Variants in MGAT4C observed in about 807,000 individuals in gnomAD.
MGAT4C encodes MGAT4 family member C, also known as alpha-1,3-mannosyl-glycoprotein 4-beta-N-acetylglucosaminyltransferase C.
In MGAT4C, 19 loss-of-function variants were observed where a neutral mutation model predicts 40.1. The ratio of observed to expected loss-of-function variants is 0.47; its 90% CI spans 0.33 to 0.70. The LOEUF (loss-of-function observed/expected upper bound fraction) is 0.70, where lower values mean the gene tolerates loss of function less well. MGAT4C is among the 30% of genes least tolerant of loss of function. MGAT4C has a pLI of 0.02. For missense variants in MGAT4C, 491 were observed against 563.2 expected (o/e 0.87, Z 1.30); for synonymous variants, 181 against 187.1 (o/e 0.97, Z 0.27).
chr12:86,835,868 C>A (rs1224662721), intron 1 of MGAT4C, among the ~76,000 whole-genome samples: 3 of 151,840 alleles, frequency 2.0e-5, no homozygotes, highest in Non-Finnish European at 4.4e-5. Context: ...CACACACACA[C>A]AAACACACAC....
intron 1 of MGAT4C, among the ~76,000 whole-genome samples, chr12:86,190,493 T>C (rs1461124696): frequency 6.6e-6 from 1 of 152,122 alleles, no homozygotes; most frequent in East Asian, 1.9e-4. Context: ...CATCATTCCT[T>C]TAACCATCTC....
At chr12:86,390,278 T>A (rs775550313) in intron 3 of MGAT4C, among the ~76,000 whole-genome samples, 60 of 152,116 alleles carry the variant, frequency 3.9e-4, no homozygotes, top group Non-Finnish European at 4.7e-4. Flanking sequence ...CACATATGAG[T>A]TTCTGGAGTA....
At chr12:86,190,630 T>C (rs1314699921) in intron 1 of MGAT4C, among the ~76,000 whole-genome samples, 1 of 152,080 alleles carries the variant, frequency 6.6e-6, no homozygotes, top group Non-Finnish European at 1.5e-5. Flanking sequence ...TATTTGAATA[T>C]ATGGTCATTT....
intron 3 of MGAT4C, among the ~76,000 whole-genome samples, chr12:86,367,584 G>A (rs1032351305): frequency 3.9e-5 from 6 of 152,276 alleles, no homozygotes; most frequent in African/African-American, 1.4e-4. Flanking sequence ...TGGATCACAA[G>A]GTCAGGAGAT....
intron 1 of MGAT4C, among the ~76,000 whole-genome samples, chr12:86,120,075 A>G (rs1301577767): frequency 1.3e-5 from 2 of 151,810 alleles, no homozygotes; most frequent in Non-Finnish European, 2.9e-5. Context: ...TACAAGCTCA[A>G]CTTTCCTGGG....
At chr12:86,784,705 A>T (rs1025034777) in intron 1 of MGAT4C, among the ~76,000 whole-genome samples, 1 of 151,992 alleles carries the variant, frequency 6.6e-6, no homozygotes, top group Non-Finnish European at 1.5e-5. Context: ...TGGAACAAAG[A>T]GTAGCCCTGA....
At chr12:86,482,513 A>C (rs1957954242) in intron 2 of MGAT4C, among the ~76,000 whole-genome samples, 2 of 152,090 alleles carry the variant, frequency 1.3e-5, no homozygotes, top group South Asian at 2.1e-4. Context: ...TGAAGTTTAC[A>C]TGAGTATGAT....
At chr12:86,713,529 T>C (rs1477783113) in intron 2 of MGAT4C, among the ~76,000 whole-genome samples, 1 of 152,116 alleles carries the variant, frequency 6.6e-6, no homozygotes, top group Admixed American at 6.6e-5. Flanking sequence ...AGTAAAGATA[T>C]GTATTTTTAA....
At chr12:86,027,284 A>C (rs1191822742) in intron 2 of MGAT4C, among the ~76,000 whole-genome samples, 11 of 151,954 alleles carry the variant, frequency 7.2e-5, no homozygotes, top group Admixed American at 2.0e-4. Flanking sequence ...TTTCTCAAAG[A>C]CAATGGCTGC....
At chr12:86,147,140 C>T (rs920739155) in intron 1 of MGAT4C, among the ~76,000 whole-genome samples, 1 of 152,060 alleles carries the variant, frequency 6.6e-6, no homozygotes, top group African/African-American at 2.4e-5. Context: ...ACTAGAAGGG[C>T]ATGCATGTGT....
chr12:85,988,401 A>G (rs1436012708), intron 3 of MGAT4C, among the ~76,000 whole-genome samples: 1 of 152,130 alleles, frequency 6.6e-6, no homozygotes, highest in Non-Finnish European at 1.5e-5. Context: ...GTTAATAAAT[A>G]ATCTAAAGCA....
intron 3 of MGAT4C, among the ~76,000 whole-genome samples, chr12:86,400,416 A>T (rs987396741): frequency 2.6e-5 from 4 of 152,144 alleles, no homozygotes; most frequent in Non-Finnish European, 5.9e-5. Context: ...ACTAATTTTG[A>T]TGTAGGTAAC....
intron 2 of MGAT4C, among the ~76,000 whole-genome samples, chr12:86,693,891 T>A (rs933617475): frequency 1.3e-5 from 2 of 152,192 alleles, no homozygotes; most frequent in African/African-American, 4.8e-5. Context: ...AGTTAGTTTT[T>A]CTTTTGCCAA....
At chr12:86,803,764 C>A (rs1485683302) in intron 1 of MGAT4C, among the ~76,000 whole-genome samples, 2 of 149,594 alleles carry the variant, frequency 1.3e-5, no homozygotes, top group Admixed American at 6.7e-5. Flanking sequence ...AGTCAGGAAA[C>A]AACAGGTGCT....
rs184811127 is a variant in MGAT4C, at chr12:86,113,719, T to A, written c.-56-63996A>T. On this transcript the variant is annotated intron_variant, in intron 1 of 4. Coordinates refer to ENST00000611864, the MANE Select transcript of MGAT4C (RefSeq NM_001351288.2). Reference sequence around the variant, plus strand: ...TTGGGTGAACAAGGGTAAAATCAACTGCTCATTAGTGAATTAAGATTCCTG... The same window carrying A: ...TTGGGTGAACAAGGGTAAAATCAACAGCTCATTAGTGAATTAAGATTCCTG... 5.2e-3 allele frequency among the ~76,000 whole-genome samples: 784 copies of A among 151,986 alleles called. 4 individuals are homozygous for A. The highest frequency in any genetic ancestry group is 0.01 in the Middle Eastern group (3 of 294).
intron 2 of MGAT4C, among the ~76,000 whole-genome samples, chr12:86,680,630 A>G (rs1466444686): frequency 6.6e-6 from 1 of 152,108 alleles, no homozygotes; most frequent in East Asian, 1.9e-4. Flanking sequence ...CAAATAAATT[A>G]TCTTCTAAGT....
intron 2 of MGAT4C, among the ~76,000 whole-genome samples, chr12:86,505,864 G>A (rs1958463716): frequency 6.6e-6 from 1 of 152,004 alleles, no homozygotes; most frequent in African/African-American, 2.4e-5. Context: ...TCATTCTTAG[G>A]GAGAAACAAA....
intron 4 of MGAT4C, among the ~76,000 whole-genome samples, chr12:86,285,689 A>T (rs1953335381): frequency 2.8e-5 from 1 of 35,942 alleles, no homozygotes; most frequent in Admixed American, 3.0e-4. Context: ...AAATATAAAT[A>T]TACCCCTGAT....
intron 4 of MGAT4C, among the ~76,000 whole-genome samples, chr12:86,269,010 TTACATATATATATA>T (rs1566245934): frequency 1.7e-5 from 1 of 57,480 alleles, no homozygotes; most frequent in Admixed American, 2.3e-4. Context: ...TCTTTCATAC[TTACATATATATATA>T]TATATATATA....
Sources: allele counts gnomAD v4.1 joint callset (sites outside exome capture counted in the v4.1 genomes callset), GRCh38; gene constraint gnomAD v4.1.1; transcripts MANE v1.5; gene names NCBI Gene and HGNC (gene_info 2026-07-23, HGNC 2026-07-21).